The following TRHDE variants were observed in gnomAD, a reference collection of about 807,000 sequenced individuals.
TRHDE encodes the protein thyrotropin-releasing hormone-degrading ectoenzyme.
TRHDE carries 72 observed loss-of-function variants against 125.7 expected under a neutral mutation model. That is an observed-to-expected ratio of 0.57 (90% CI 0.47 to 0.70). The LOEUF is 0.70. Ranked by LOEUF, TRHDE falls within the 30% of genes least tolerant of loss-of-function variation. TRHDE has a pLI of 0.00. For missense variants in TRHDE, 1,110 were observed against 1,327.1 expected (o/e 0.84, Z 2.54); for synonymous variants, 509 against 509.1 (o/e 1.00, Z 0.00).
chr12:72,423,954 A>G (rs1306758483), intron 3 of TRHDE, among the ~76,000 whole-genome samples: 1 of 152,156 alleles, frequency 6.6e-6, no homozygotes, highest in Non-Finnish European at 1.5e-5. Context: ...TGCAAAGAAG[A>G]CAAGAAACAG....
chr12:72,321,011 CTTA>C (rs1284607631), intron 2 of TRHDE, among the ~76,000 whole-genome samples: 1 of 152,074 alleles, frequency 6.6e-6, no homozygotes, highest in Admixed American at 6.6e-5. Context: ...GATATTTCAA[CTTA>C]TTAGTGGGAA....
chr12:72,171,534 G>A (rs1326097778), intron 2 of TRHDE, among the ~76,000 whole-genome samples: 5 of 152,202 alleles, frequency 3.3e-5, no homozygotes, highest in Non-Finnish European at 5.9e-5. Context: ...CAAAAGGAGA[G>A]GAGTATAGCC....
chr12:72,407,084 T>C (rs1278871230), intron 3 of TRHDE, among the ~76,000 whole-genome samples: 1 of 151,848 alleles, frequency 6.6e-6, no homozygotes, highest in African/African-American at 2.4e-5. Context: ...GTCACAAAGG[T>C]TTTTTTTCAG....
chr12:72,469,915 A>C lies in TRHDE; in HGVS notation c.1470+3A>C. ...TTGTTCATGAGATATGTCACCAGGT[A>C]TGAGAAAAAGAATCAGGTGTAAGTA... On this transcript the variant is annotated splice_donor_region_variant and intron_variant, in intron 4 of 18. Coordinates refer to ENST00000261180, the MANE Select transcript of TRHDE (RefSeq NM_013381.3). The C allele has an allele frequency of 6.2e-7, 1 of 1,613,444 alleles. No homozygotes were observed. Among genetic ancestry groups the C allele is most frequent in the Non-Finnish European group, 8.5e-7 (1 of 1,179,764 alleles).
At chr12:72,455,893 G>A (rs904337726) in intron 3 of TRHDE, among the ~76,000 whole-genome samples, 4 of 151,824 alleles carry the variant, frequency 2.6e-5, no homozygotes, top group Non-Finnish European at 5.9e-5. Context: ...AGATACAGAG[G>A]AGTCTACTTT....
At chr12:72,661,680 ATTTC>A (rs1398965866) in intron 18 of TRHDE, among the ~76,000 whole-genome samples, 1 of 152,098 alleles carries the variant, frequency 6.6e-6, no homozygotes, top group Admixed American at 6.6e-5. Flanking sequence ...GTGTATATAT[ATTTC>A]TATCCCCATG....
intron 2 of TRHDE, among the ~76,000 whole-genome samples, chr12:72,357,545 C>T (rs753631462): frequency 3.3e-5 from 5 of 151,492 alleles, no homozygotes; most frequent in Non-Finnish European, 7.4e-5. Flanking sequence ...AGGATCTCCT[C>T]CTTTTTAAAG....
At chr12:72,513,931 T>C (rs908285292) in intron 6 of TRHDE, among the ~76,000 whole-genome samples, 2 of 152,052 alleles carry the variant, frequency 1.3e-5, no homozygotes. Flanking sequence ...ACAAAGAAAT[T>C]ACCTGTTCCA....
chr12:72,307,061 G>A (rs1868352226), intron 2 of TRHDE, among the ~76,000 whole-genome samples: 1 of 152,136 alleles, frequency 6.6e-6, no homozygotes, highest in African/African-American at 2.4e-5. Flanking sequence ...GCATGTGTAG[G>A]TAGGGCCTTC....
At chr12:72,180,593 G>A (rs1461987092) in intron 2 of TRHDE, among the ~76,000 whole-genome samples, 3 of 152,070 alleles carry the variant, frequency 2.0e-5, no homozygotes, top group Admixed American at 6.5e-5. Context: ...AGAGACCTTA[G>A]CTCTCCATTA....
chr12:72,337,708 C>T (rs761681263), intron 2 of TRHDE, among the ~76,000 whole-genome samples: 2 of 152,010 alleles, frequency 1.3e-5, no homozygotes, highest in East Asian at 1.9e-4. Flanking sequence ...TTGAGTCAGA[C>T]GAGTTCCTGC....
chr12:72,434,362 G>T (rs898457134), intron 3 of TRHDE, among the ~76,000 whole-genome samples: 10 of 141,994 alleles, frequency 7.0e-5, no homozygotes, highest in African/African-American at 2.7e-4. Flanking sequence ...TCCAGCCTGG[G>T]CAACAGAGCC....
intron 2 of TRHDE, among the ~76,000 whole-genome samples, chr12:72,131,307 T>C (rs1276451689): frequency 1.3e-5 from 2 of 151,750 alleles, no homozygotes; most frequent in African/African-American, 4.8e-5. Flanking sequence ...CTCCTGACCT[T>C]GTGATCCGCC....
At chr12:72,636,164 C>T (rs1364862908) in intron 15 of TRHDE, among the ~76,000 whole-genome samples, 1 of 152,108 alleles carries the variant, frequency 6.6e-6, no homozygotes, top group African/African-American at 2.4e-5. Flanking sequence ...GTGTTTGTAT[C>T]CTCTTTTATT....
chr12:72,149,087 C>T (rs1396152514), intron 2 of TRHDE, among the ~76,000 whole-genome samples: 1 of 151,842 alleles, frequency 6.6e-6, no homozygotes, highest in South Asian at 2.1e-4. Flanking sequence ...TTGGCAAATT[C>T]TAACATGATT....
At chr12:72,399,294 G>T (rs1247000354) in intron 3 of TRHDE, among the ~76,000 whole-genome samples, 1 of 152,152 alleles carries the variant, frequency 6.6e-6, no homozygotes, top group African/African-American at 2.4e-5. Context: ...TCACAGAGTG[G>T]CTTAATAGAA....
intron 3 of TRHDE, among the ~76,000 whole-genome samples, chr12:72,410,833 A>G (rs573450896): frequency 6.6e-5 from 10 of 151,792 alleles, no homozygotes; most frequent in African/African-American, 2.2e-4. Context: ...TCTAGTCAAC[A>G]TTACATGGGA....
At chr12:72,173,383 A>G (rs1219306594) in intron 2 of TRHDE, among the ~76,000 whole-genome samples, 1 of 152,246 alleles carries the variant, frequency 6.6e-6, no homozygotes, top group African/African-American at 2.4e-5. Flanking sequence ...GTTTCACTTA[A>G]CATTAGAGAG....
At chr12:72,479,199 T>C (rs1877043140) in intron 5 of TRHDE, among the ~76,000 whole-genome samples, 1 of 152,156 alleles carries the variant, frequency 6.6e-6, no homozygotes, top group Non-Finnish European at 1.5e-5. Context: ...AGAAATTGTG[T>C]AGCACAGATA....
Sources: allele counts gnomAD v4.1 joint callset (sites outside exome capture counted in the v4.1 genomes callset), GRCh38; gene constraint gnomAD v4.1.1; transcripts MANE v1.5; gene names NCBI Gene and HGNC (gene_info 2026-07-23, HGNC 2026-07-21).